SNX29: variants seen among roughly 807,000 people sequenced by gnomAD.
SNX29 encodes the protein sorting nexin-29.
A neutral mutation model predicts 102.1 loss-of-function variants in SNX29; 78 were observed. The observed-to-expected ratio is 0.76, with a 90% CI of 0.64 to 0.92. The LOEUF (loss-of-function observed/expected upper bound fraction) is 0.92. Among genes scored for constraint, SNX29 ranks in the 40% least tolerant of loss-of-function variants. SNX29 has a pLI of 0.00. For missense variants in SNX29, 1,280 were observed against 1,061.7 expected, an observed-to-expected ratio of 1.21 and a Z score of -2.86; for synonymous variants, 580 against 414.5, an observed-to-expected ratio of 1.40 and a Z score of -4.85.
chr16:12,174,913 G>C (rs979207152), intron 13 of SNX29, among the ~76,000 whole-genome samples: 2 of 150,320 alleles, frequency 1.3e-5, no homozygotes, highest in African/African-American at 4.9e-5. Context: ...CCTATAAATG[G>C]AAAGTATTAT....
At chr16:11,996,887 T>A (rs544359677) in intron 1 of SNX29, among the ~76,000 whole-genome samples, 1 of 152,290 alleles carries the variant, frequency 6.6e-6, no homozygotes, top group South Asian at 2.1e-4. Flanking sequence ...CCTAGGCTAT[T>A]CTTGATCGAA....
At chr16:12,315,383 T>G (rs961606059) in intron 15 of SNX29, among the ~76,000 whole-genome samples, 2 of 152,182 alleles carry the variant, frequency 1.3e-5, no homozygotes, top group African/African-American at 4.8e-5. Context: ...TCAACTTGGC[T>G]GTCATTCCAG....
At chr16:12,349,146 C>G (rs909902155) in intron 15 of SNX29, among the ~76,000 whole-genome samples, 2 of 152,216 alleles carry the variant, frequency 1.3e-5, no homozygotes, top group African/African-American at 4.8e-5. Context: ...ACTTGCCCCC[C>G]GCCAAGCCTA....
intron 18 of SNX29, among the ~76,000 whole-genome samples, chr16:12,474,741 C>T (rs1342850688): frequency 1.3e-5 from 2 of 152,140 alleles, no homozygotes; most frequent in Non-Finnish European, 1.5e-5. Context: ...GTTCTTAACT[C>T]GGGTAATTTT....
intron 18 of SNX29, among the ~76,000 whole-genome samples, chr16:12,436,199 C>G (rs897798534): frequency 6.6e-6 from 1 of 152,026 alleles, no homozygotes; most frequent in Non-Finnish European, 1.5e-5. Flanking sequence ...GCTGCAGCCC[C>G]CGGAACAGTA....
At chr16:12,070,065 T>C (rs1344744583) in intron 10 of SNX29, among the ~76,000 whole-genome samples, 1 of 152,262 alleles carries the variant, frequency 6.6e-6, no homozygotes, top group Non-Finnish European at 1.5e-5. Context: ...TATTACATAG[T>C]ATTTGTGAAG....
chr16:12,445,407 A>G (rs1260338601), intron 18 of SNX29, among the ~76,000 whole-genome samples: 1 of 152,048 alleles, frequency 6.6e-6, no homozygotes, highest in Non-Finnish European at 1.5e-5. Context: ...TTCATTCTGT[A>G]CACTGAGCAA....
Position 12,572,929 on chromosome 16 carries a change from C to G in SNX29, c.*4300C>G. ...TCACGGCAGACTTGGAGTGTTTCTT[C>G]AAGGCAGGCATCTGCTTATGAGCAA... On this transcript the variant is annotated 3_prime_UTR_variant, in exon 21 of 21. Coordinates refer to ENST00000566228, the MANE Select transcript of SNX29 (RefSeq NM_032167.5). 1.1e-6 allele frequency: 1 copy of G among 893,154 alleles called. No individual in the cohort carries two copies. Among genetic ancestry groups the G allele is most frequent in the Non-Finnish European group, 1.4e-6 (1 of 722,968 alleles). 55.3% of individuals were successfully genotyped at this position (893,154 alleles called of 1,614,324 possible).
chr16:12,536,846 C>T (rs1317008255), intron 20 of SNX29, among the ~76,000 whole-genome samples: 1 of 152,078 alleles, frequency 6.6e-6, no homozygotes, highest in African/African-American at 2.4e-5. Flanking sequence ...CATGGTGGTG[C>T]ACACCTGTAA....
At chr16:12,037,555 C>T (rs1426875080) in intron 4 of SNX29, among the ~76,000 whole-genome samples, 1 of 152,060 alleles carries the variant, frequency 6.6e-6, no homozygotes, top group Non-Finnish European at 1.5e-5. Flanking sequence ...ATTGCCTGCC[C>T]TGGGTTAGCT....
At chr16:12,186,951 A>G (rs1196799286) in intron 13 of SNX29, among the ~76,000 whole-genome samples, 1 of 152,234 alleles carries the variant, frequency 6.6e-6, no homozygotes, top group Non-Finnish European at 1.5e-5. Flanking sequence ...TGTAGCACTC[A>G]GTGGCCGGGG....
intron 3 of SNX29, among the ~76,000 whole-genome samples, chr16:12,014,828 G>C (rs897298509): frequency 1.3e-5 from 2 of 150,884 alleles, no homozygotes; most frequent in Non-Finnish European, 2.9e-5. Flanking sequence ...TGGTTCCTCT[G>C]TACAAAGATT....
At position 12,571,018 on chromosome 16, in the gene SNX29, C is replaced by A. The variant is rs1334342216; in HGVS notation, c.*2389C>A. 2 of 232,784 alleles carry A rather than the reference C, an allele frequency of 8.6e-6. No homozygotes were observed. The highest frequency in any genetic ancestry group is 1.2e-4 in the East Asian group (2 of 16,502). 14.4% of individuals were successfully genotyped at this position (232,784 alleles called of 1,614,324 possible). A position where few individuals can be genotyped will look rare whatever the true frequency, so the allele number is the denominator to read the frequency against. ...CACAGACCGTAGAGTCGAGTCATCT[C>A]GCAGATCCAGACCATCTCCTCTCAT... On this transcript the variant is annotated 3_prime_UTR_variant, in exon 21 of 21. Coordinates refer to ENST00000566228, the MANE Select transcript of SNX29 (RefSeq NM_032167.5).
intron 16 of SNX29, among the ~76,000 whole-genome samples, chr16:12,381,322 C>A (rs532040050): frequency 3.8e-4 from 42 of 109,838 alleles, no homozygotes; most frequent in African/African-American, 1.3e-3. Context: ...CCCACCCACC[C>A]ATCGTTCATC....
At chr16:12,234,542 G>C (rs1356623541) in intron 14 of SNX29, among the ~76,000 whole-genome samples, 2 of 151,970 alleles carry the variant, frequency 1.3e-5, no homozygotes, top group Non-Finnish European at 2.9e-5. Flanking sequence ...TGGTGTCCTT[G>C]AGGCATACCT....
rs1401134666 is a variant in SNX29, at chr16:12,403,248, GTGTGTGT to G, written c.1956-199_1956-193del. Among the ~76,000 whole-genome samples the G allele has an allele frequency of 5.3e-3, 748 of 139,948 alleles. 7 individuals carry two copies. The highest frequency in any genetic ancestry group is 0.016 in the African/African-American group (560 of 35,492). 91.8% of individuals were successfully genotyped at this position (139,948 alleles called of 152,430 possible). A position where few individuals can be genotyped will look rare whatever the true frequency, so the allele number is the denominator to read the frequency against. Reference sequence around the variant, plus strand: ...TGTGTGTGTGTGTGTGTGTGTGTGTGTGTGTGTAGAGAGAGACAGACTGAGTGATGAC... The same window carrying G: ...TGTGTGTGTGTGTGTGTGTGTGTGTGAGAGAGAGACAGACTGAGTGATGAC... On this transcript the variant is annotated intron_variant, in intron 17 of 20. Coordinates refer to ENST00000566228, the MANE Select transcript of SNX29 (RefSeq NM_032167.5).
At chr16:12,269,589 A>C (rs1171401820) in intron 14 of SNX29, among the ~76,000 whole-genome samples, 2 of 152,196 alleles carry the variant, frequency 1.3e-5, no homozygotes, top group African/African-American at 4.8e-5. Context: ...GGATTCCAGC[A>C]GGTGTACTTT....
intron 18 of SNX29, among the ~76,000 whole-genome samples, chr16:12,426,467 G>C (rs1287962480): frequency 6.6e-6 from 1 of 152,202 alleles, no homozygotes; most frequent in Non-Finnish European, 1.5e-5. Flanking sequence ...CTCTCACAGG[G>C]AGGAGCCCTG....
intron 14 of SNX29, among the ~76,000 whole-genome samples, chr16:12,205,973 G>T (rs888158081): frequency 2.6e-5 from 4 of 152,186 alleles, no homozygotes; most frequent in Non-Finnish European, 4.4e-5. Context: ...TTCCAGATCT[G>T]TTGCAGCTGT....
Sources: allele counts gnomAD v4.1 joint callset (sites outside exome capture counted in the v4.1 genomes callset), GRCh38; gene constraint gnomAD v4.1.1; transcripts MANE v1.5; gene names NCBI Gene and HGNC (gene_info 2026-07-23, HGNC 2026-07-21).